ZFAND3: variants seen among roughly 807,000 people sequenced by gnomAD.
ZFAND3 encodes the protein AN1-type zinc finger protein 3.
Under a neutral mutation model 29.6 loss-of-function variants are expected in ZFAND3, and 10 were observed. The observed-to-expected ratio is 0.34, with a 90% CI of 0.21 to 0.57. ZFAND3 has a LOEUF of 0.57. Among genes scored for constraint, ZFAND3 ranks in the 20% least tolerant of loss-of-function variants. The pLI is 0.86. For missense variants in ZFAND3, 230 were observed against 304.5 expected, an observed-to-expected ratio of 0.76 and a Z score of 1.82; for synonymous variants, 128 against 112.6, an observed-to-expected ratio of 1.14 and a Z score of -0.87.
At chr6:38,077,496 A>C (rs73419955) in intron 3 of ZFAND3, among the ~76,000 whole-genome samples, 13,556 of 152,294 alleles carry the variant, frequency 0.089, 782 homozygotes, top group East Asian at 0.29. Flanking sequence ...GCTATTTTTG[A>C]GTATTAATGT....
At chr6:37,928,343 G>T (rs891149623) in intron 1 of ZFAND3, among the ~76,000 whole-genome samples, 5 of 152,086 alleles carry the variant, frequency 3.3e-5, no homozygotes, top group Admixed American at 1.3e-4. Flanking sequence ...CTGGTCAAAG[G>T]CTCAAATCTT....
intron 2 of ZFAND3, among the ~76,000 whole-genome samples, chr6:37,977,925 C>T (rs950810440): frequency 7.1e-6 from 1 of 141,440 alleles, no homozygotes; most frequent in East Asian, 2.1e-4. Flanking sequence ...TCCTTTCTTC[C>T]GTTCTTCCTT....
chr6:38,082,475 A>G lies in ZFAND3; in HGVS notation c.361+18A>G, dbSNP rs964686513. On this transcript the variant is annotated intron_variant, in intron 4 of 5. Transcript: ENST00000287218. ...TGGTACAGGTATGTACGTCATTCTTATGTGAATTCATCCTTATTTGAATTC... is the reference window on the plus strand; with the variant it reads ...TGGTACAGGTATGTACGTCATTCTTGTGTGAATTCATCCTTATTTGAATTC... 6.2e-7 allele frequency: 1 copy of G among 1,605,710 alleles called. No homozygotes were observed. The highest frequency in any genetic ancestry group is 8.5e-7 in the Non-Finnish European group (1 of 1,174,682).
intron 3 of ZFAND3, among the ~76,000 whole-genome samples, chr6:38,066,438 G>T (rs1046984119): frequency 2.6e-5 from 4 of 152,162 alleles, no homozygotes; most frequent in Non-Finnish European, 5.9e-5. Context: ...TCATCTGTGG[G>T]TTCCTTCTTA....
intron 2 of ZFAND3, among the ~76,000 whole-genome samples, chr6:37,988,847 G>T (rs1301285317): frequency 1.3e-5 from 2 of 152,040 alleles, no homozygotes; most frequent in Non-Finnish European, 2.9e-5. Context: ...TTCCTGAGTG[G>T]TGTGCTTGTT....
intron 2 of ZFAND3, among the ~76,000 whole-genome samples, chr6:37,939,163 T>TAA (rs994171507): frequency 1.3e-5 from 2 of 152,216 alleles, no homozygotes; most frequent in African/African-American, 4.8e-5. Flanking sequence ...CTTGGTGGTT[T>TAA]AAAACAACAG....
At chr6:38,012,911 A>G (rs1007034259) in intron 2 of ZFAND3, among the ~76,000 whole-genome samples, 2 of 152,304 alleles carry the variant, frequency 1.3e-5, no homozygotes, top group Admixed American at 6.5e-5. Context: ...TTTTTGTATT[A>G]TAAAACATCT....
At chr6:38,070,886 G>A (rs923009824) in intron 3 of ZFAND3, among the ~76,000 whole-genome samples, 2 of 151,606 alleles carry the variant, frequency 1.3e-5, no homozygotes, top group African/African-American at 2.4e-5. Context: ...AATAAGTTGG[G>A]CAAAAGAATA....
chr6:37,965,329 G>C (rs879332398), intron 2 of ZFAND3, among the ~76,000 whole-genome samples: 2 of 152,120 alleles, frequency 1.3e-5, no homozygotes, highest in African/African-American at 2.4e-5. Flanking sequence ...ACTGATCTGT[G>C]GACTGTGAGT....
chr6:38,074,511 A>C (rs553957667), intron 3 of ZFAND3, among the ~76,000 whole-genome samples: 1 of 152,218 alleles, frequency 6.6e-6, no homozygotes, highest in African/African-American at 2.4e-5. Flanking sequence ...CTACCATGCT[A>C]GTAAAGAAGT....
At chr6:38,072,523 C>G (rs1204820955) in intron 3 of ZFAND3, among the ~76,000 whole-genome samples, 1 of 152,168 alleles carries the variant, frequency 6.6e-6, no homozygotes, top group Non-Finnish European at 1.5e-5. Flanking sequence ...TAAACAACCA[C>G]ACTTCACACA....
At chr6:37,823,602 G>A (rs564455792) in intron 1 of ZFAND3, among the ~76,000 whole-genome samples, 1 of 152,124 alleles carries the variant, frequency 6.6e-6, no homozygotes, top group Non-Finnish European at 1.5e-5. Context: ...ATTCAAATGC[G>A]TTAGTGCTTG....
At chr6:38,064,486 T>C (rs1764303560) in intron 3 of ZFAND3, among the ~76,000 whole-genome samples, 1 of 152,192 alleles carries the variant, frequency 6.6e-6, no homozygotes, top group South Asian at 2.1e-4. Flanking sequence ...AATTTAGGCA[T>C]TTGGCTTCAG....
intron 1 of ZFAND3, among the ~76,000 whole-genome samples, chr6:37,860,447 A>T (rs1452534972): frequency 6.6e-6 from 1 of 152,098 alleles, no homozygotes; most frequent in Non-Finnish European, 1.5e-5. Flanking sequence ...CTGACTTTTT[A>T]GGAAGACAGT....
At chr6:37,820,043 G>C (rs1206086193) in intron 1 of ZFAND3, 27 bp downstream of exon 1, 1 of 1,211,150 alleles carries the variant, frequency 8.3e-7, no homozygotes, top group East Asian at 3.3e-5. Flanking sequence ...GTGGGGGCGG[G>C]GGGCGGGGGC....
chr6:38,049,620 T>C (rs978123273), intron 2 of ZFAND3, among the ~76,000 whole-genome samples: 2 of 152,180 alleles, frequency 1.3e-5, no homozygotes, highest in Admixed American at 6.5e-5. Flanking sequence ...AGATACCTTT[T>C]AGGAATTGTG....
intron 5 of ZFAND3, among the ~76,000 whole-genome samples, chr6:38,132,874 T>G (rs1301690656): frequency 6.6e-6 from 1 of 152,192 alleles, no homozygotes; most frequent in Non-Finnish European, 1.5e-5. Context: ...CACTCTGCCC[T>G]CCGGAGCAGT....
chr6:37,834,773 TATGCATATATC>T (rs1763934162), intron 1 of ZFAND3, among the ~76,000 whole-genome samples: 1 of 151,954 alleles, frequency 6.6e-6, no homozygotes. Flanking sequence ...TATGCTCATA[TATGCATATATC>T]ATGCATATAT....
chr6:37,925,684 A>G (rs1194241776), intron 1 of ZFAND3, among the ~76,000 whole-genome samples: 1 of 148,524 alleles, frequency 6.7e-6, no homozygotes, highest in East Asian at 2.0e-4. Flanking sequence ...AGCCTGGGCA[A>G]CAGAGCTACA....
Sources: gnomAD v4.1 joint callset for allele counts (sites outside exome capture counted in the v4.1 genomes callset) on GRCh38, gnomAD v4.1.1 for gene constraint, MANE v1.5 for transcripts, NCBI Gene and HGNC (gene_info 2026-07-23, HGNC 2026-07-21) for gene names.